USH2A: variants seen among roughly 807,000 people sequenced by gnomAD.
The protein encoded by USH2A is Usher syndrome 2A (autosomal recessive, mild).
In USH2A, 443 loss-of-function variants were observed where a neutral mutation model predicts 538.9. The observed-to-expected ratio is 0.82, with a 90% CI of 0.76 to 0.89. The LOEUF (loss-of-function observed/expected upper bound fraction) is 0.89, where lower values mean the gene tolerates loss of function less well. Ranked by LOEUF, USH2A falls within the 40% of genes least tolerant of loss-of-function variation. USH2A has a pLI of 0.00. For synonymous variants in USH2A, 2,413 were observed against 2,273.5 expected, an observed-to-expected ratio of 1.06 and a Z score of -1.75; for missense variants, 6,633 against 6,324.8, an observed-to-expected ratio of 1.05 and a Z score of -1.65.
intron 38 of USH2A, among the ~76,000 whole-genome samples, chr1:215,927,279 A>G (rs1558165674): frequency 6.6e-6 from 1 of 152,130 alleles, no homozygotes; most frequent in African/African-American, 2.4e-5. Flanking sequence ...AAATTCTATA[A>G]TTAGATTCTT....
At chr1:215,965,150 A>G (rs1439851836) in intron 37 of USH2A, among the ~76,000 whole-genome samples, 167 bp downstream of exon 37, 1 of 152,154 alleles carries the variant, frequency 6.6e-6, no homozygotes, top group East Asian at 1.9e-4. Context: ...TGGGAACCAC[A>G]TTCTGAGAAC....
intron 14 of USH2A, among the ~76,000 whole-genome samples, chr1:216,230,268 G>C (rs2035650442): frequency 6.6e-6 from 1 of 152,090 alleles, no homozygotes; most frequent in Non-Finnish European, 1.5e-5. Context: ...TTACATCTAG[G>C]AGCTAGTATG....
At chr1:215,947,819 ATAATT>A (rs1307373364) in intron 37 of USH2A, among the ~76,000 whole-genome samples, 1 of 152,252 alleles carries the variant, frequency 6.6e-6, no homozygotes, top group Non-Finnish European at 1.5e-5. Flanking sequence ...ACAATGAAAC[ATAATT>A]TAATTCAGTT....
chr1:215,734,032 C>T (rs1424479293), intron 60 of USH2A, among the ~76,000 whole-genome samples: 4 of 152,224 alleles, frequency 2.6e-5, no homozygotes, highest in African/African-American at 9.6e-5. Flanking sequence ...TTGCCTTCTG[C>T]ACTGCCCTAG....
At chr1:216,005,823 AT>A (rs1401497989) in intron 32 of USH2A, among the ~76,000 whole-genome samples, 2 of 152,200 alleles carry the variant, frequency 1.3e-5, no homozygotes, top group Admixed American at 1.3e-4. Context: ...GGTAAACCAA[AT>A]GTTAACAATG....
At chr1:216,359,092 T>C (rs1399499721) in intron 4 of USH2A, among the ~76,000 whole-genome samples, 2 of 152,188 alleles carry the variant, frequency 1.3e-5, no homozygotes, top group East Asian at 3.8e-4. Flanking sequence ...TATAAGATTA[T>C]GCATTATACT....
chr1:215,899,419 A>G (rs1428871346), intron 40 of USH2A, among the ~76,000 whole-genome samples: 1 of 152,192 alleles, frequency 6.6e-6, no homozygotes, highest in African/African-American at 2.4e-5. Context: ...ACTTTCATAT[A>G]TATGCTTTTA....
intron 3 of USH2A, among the ~76,000 whole-genome samples, chr1:216,411,994 T>C (rs992056391): frequency 2.6e-5 from 4 of 152,168 alleles, no homozygotes; most frequent in Non-Finnish European, 5.9e-5. Flanking sequence ...ACCACAATTA[T>C]AATTTTGCCT....
chr1:216,199,535 G>A (rs558996214), intron 17 of USH2A, 92 bp downstream of exon 17: 3 of 1,568,204 alleles, frequency 1.9e-6, no homozygotes, highest in South Asian at 1.1e-5. Context: ...TTATAAAAAG[G>A]AATACAACTG....
intron 49 of USH2A, among the ~76,000 whole-genome samples, chr1:215,808,152 C>T (rs1662556119): frequency 6.6e-6 from 1 of 152,150 alleles, no homozygotes; most frequent in South Asian, 2.1e-4. Context: ...TAAAATATTA[C>T]TTGAAATAGT....
intron 29 of USH2A, among the ~76,000 whole-genome samples, chr1:216,071,466 G>T (rs2031555521): frequency 6.6e-6 from 1 of 152,148 alleles, no homozygotes; most frequent in Admixed American, 6.6e-5. Flanking sequence ...CTAACAGATG[G>T]TCTTCTCATA....
intron 21 of USH2A, among the ~76,000 whole-genome samples, chr1:216,139,696 G>A (rs2033563141): frequency 6.6e-6 from 1 of 152,144 alleles, no homozygotes; most frequent in Non-Finnish European, 1.5e-5. Flanking sequence ...TTGATGATAT[G>A]ATCCTGCTGT....
chr1:215,690,173 C>T lies in USH2A; in HGVS notation c.12067-9797G>A, dbSNP rs535175025. On this transcript the variant is annotated intron_variant, in intron 61 of 71. Coordinates refer to ENST00000307340, the MANE Select transcript of USH2A (RefSeq NM_206933.4). ...TGACTCTTCTTTCCAGCTGCTGACT[C>T]TTTAACCAATAGTGGCCCAGGTCTA... 3.3e-5 allele frequency among the ~76,000 whole-genome samples: 5 copies of T among 152,310 alleles called. No homozygotes were observed. The South Asian group carries it at 1.0e-3, about 32-fold the overall frequency.
intron 37 of USH2A, among the ~76,000 whole-genome samples, chr1:215,944,321 T>C (rs1022250550): frequency 1.3e-5 from 2 of 152,194 alleles, no homozygotes; most frequent in Non-Finnish European, 2.9e-5. Flanking sequence ...ATAGAAAAGA[T>C]TTGCCAACCT....
At chr1:216,336,434 T>C (rs1279273466) in intron 4 of USH2A, among the ~76,000 whole-genome samples, 1 of 151,174 alleles carries the variant, frequency 6.6e-6, no homozygotes, top group East Asian at 1.9e-4. Flanking sequence ...AATAAATCTT[T>C]CCATATTGAA....
chr1:215,825,244 G>T (rs58775055), intron 47 of USH2A, among the ~76,000 whole-genome samples: 1 of 152,126 alleles, frequency 6.6e-6, no homozygotes, highest in African/African-American at 2.4e-5. Context: ...TTAGAGATGG[G>T]ATCTTGCTAT....
intron 32 of USH2A, among the ~76,000 whole-genome samples, chr1:216,015,569 G>T (rs2102496549): frequency 6.6e-6 from 1 of 152,298 alleles, no homozygotes; most frequent in Non-Finnish European, 1.5e-5. Context: ...CTGTAGAGTT[G>T]AAATCACTTT....
chr1:215,899,410 C>G (rs548717491), intron 40 of USH2A, among the ~76,000 whole-genome samples: 12 of 152,302 alleles, frequency 7.9e-5, no homozygotes, highest in African/African-American at 2.6e-4. Flanking sequence ...AACCCCTCTA[C>G]TTTCATATAT....
At chr1:216,231,544 C>T (rs1483175578) in intron 14 of USH2A, among the ~76,000 whole-genome samples, 1 of 111,828 alleles carries the variant, frequency 8.9e-6, no homozygotes, top group Admixed American at 1.1e-4. Context: ...ATATCAATAA[C>T]AAAAAAACAC....
Sources: allele counts gnomAD v4.1 joint callset (sites outside exome capture counted in the v4.1 genomes callset), GRCh38; gene constraint gnomAD v4.1.1; transcripts MANE v1.5; gene names NCBI Gene and HGNC (gene_info 2026-07-23, HGNC 2026-07-21).